The following WLS variants were observed in gnomAD, a reference collection of about 807,000 sequenced individuals.
WLS encodes protein wntless homolog.
Under a neutral mutation model 62.8 loss-of-function variants are expected in WLS, and 23 were observed. The observed-to-expected ratio is 0.37, with a 90% CI of 0.26 to 0.52. WLS has a LOEUF of 0.52. WLS is among the 20% of genes least tolerant of loss of function. WLS has a pLI of 0.92. For missense variants in WLS, 615 were observed against 697.3 expected (o/e 0.88, Z 1.33); for synonymous variants, 246 against 244.1 (o/e 1.01, Z -0.07).
rs373279572 is a variant in WLS, at chr1:68,205,045, C to A, written c.107-10818G>T. On this transcript the variant is annotated intron_variant, in intron 1 of 11. Coordinates refer to ENST00000262348, the MANE Select transcript of WLS (RefSeq NM_024911.7). ...TGTAAGTTATGCTCAATGTAACTAA[C>A]AAAATTTTATCAAATGCCTACTAAG... Among the ~76,000 whole-genome samples the A allele has an allele frequency of 1.2e-3, 178 of 152,286 alleles. 1 individual carries two copies. The highest frequency in any genetic ancestry group is 4.2e-3 in the African/African-American group (174 of 41,558).
chr1:68,230,839 C>A (rs1650378694), intron 1 of WLS, among the ~76,000 whole-genome samples: 1 of 152,174 alleles, frequency 6.6e-6, no homozygotes, highest in South Asian at 2.1e-4. Context: ...ACCAAACTCC[C>A]TTTAATTTGT....
intron 11 of WLS, among the ~76,000 whole-genome samples, chr1:68,118,841 C>T (rs1388003354): frequency 1.7e-5 from 2 of 121,184 alleles, no homozygotes; most frequent in Non-Finnish European, 3.2e-5. Flanking sequence ...CACGCCACTG[C>T]ATTCCAGCCT....
intron 1 of WLS, among the ~76,000 whole-genome samples, chr1:68,224,846 T>C (rs142531117): frequency 2.3e-4 from 35 of 152,238 alleles, no homozygotes; most frequent in African/African-American, 6.7e-4. Context: ...CATCCCTTTG[T>C]TTCCCATAGA....
At chr1:68,204,479 T>C (rs1649192162) in intron 1 of WLS, among the ~76,000 whole-genome samples, 2 of 152,182 alleles carry the variant, frequency 1.3e-5, no homozygotes, top group South Asian at 4.2e-4. Flanking sequence ...GGCTAATTTT[T>C]TGTATTTTTA....
At chr1:68,176,829 A>G (rs1476030250) in intron 2 of WLS, among the ~76,000 whole-genome samples, 1 of 152,244 alleles carries the variant, frequency 6.6e-6, no homozygotes, top group East Asian at 1.9e-4. Flanking sequence ...TTCTCCAGTA[A>G]CAGCCTCACA....
At chr1:68,110,007 TAAAAAAAAA>T (rs11290966) in intron 11 of WLS, among the ~76,000 whole-genome samples, 1 of 28,456 alleles carries the variant, frequency 3.5e-5, no homozygotes, top group Non-Finnish European at 6.3e-5. Context: ...ACACAAAAAG[TAAAAAAAAA>T]AAAAAAAAAA....
intron 11 of WLS, among the ~76,000 whole-genome samples, chr1:68,099,032 T>G (rs918126220): frequency 2.6e-5 from 4 of 152,106 alleles, no homozygotes; most frequent in Admixed American, 6.5e-5. Flanking sequence ...CGAGCAGCAC[T>G]GCCATCCTTG....
chr1:68,216,001 G>A (rs1167158070), intron 1 of WLS, among the ~76,000 whole-genome samples: 1 of 152,140 alleles, frequency 6.6e-6, no homozygotes, highest in East Asian at 1.9e-4. Flanking sequence ...GAATAAATAT[G>A]TAAAGAGAGA....
At chr1:68,222,780 C>T (rs1649992542) in intron 1 of WLS, among the ~76,000 whole-genome samples, 1 of 151,988 alleles carries the variant, frequency 6.6e-6, no homozygotes, top group Admixed American at 6.6e-5. Flanking sequence ...ACAAACACCA[C>T]CAAAGTGTAT....
chr1:68,161,784 C>T, intron 2 of WLS: 1 of 1,601,012 alleles, frequency 6.2e-7, no homozygotes, highest in Non-Finnish European at 8.5e-7. Flanking sequence ...CTCGATTGTC[C>T]CCGTGTTTTG....
At chr1:68,124,039 G>C (rs1646394968), downstream of WLS, among the ~76,000 whole-genome samples, 1 of 152,246 alleles carries the variant, frequency 6.6e-6, no homozygotes. Context: ...CTCTCTCTCT[G>C]TCCGAAACCC....
chr1:68,142,325 CAT>C (rs758679549), intron 10 of WLS, among the ~76,000 whole-genome samples: 1 of 152,172 alleles, frequency 6.6e-6, no homozygotes, highest in Non-Finnish European at 1.5e-5. Flanking sequence ...TTCCTAAAAA[CAT>C]ATCTTGAAAT....
chr1:68,098,646 C>A, exon 12 of WLS: 1 of 1,613,814 alleles, frequency 6.2e-7, no homozygotes, highest in Non-Finnish European at 8.5e-7. Context: ...ATACCAGAAG[C>A]TGCGTTGTCA....
At chr1:68,210,320 A>G (rs1649461672) in intron 1 of WLS, among the ~76,000 whole-genome samples, 1 of 152,180 alleles carries the variant, frequency 6.6e-6, no homozygotes, top group Non-Finnish European at 1.5e-5. Flanking sequence ...GAGAAGAGAA[A>G]GTCAAAGGAG....
At chr1:68,168,081 A>G (rs1647087485) in intron 2 of WLS, among the ~76,000 whole-genome samples, 1 of 152,160 alleles carries the variant, frequency 6.6e-6, no homozygotes, top group Non-Finnish European at 1.5e-5. Flanking sequence ...AGAGGAGGGC[A>G]AGTACCTTCT....
chr1:68,150,387 T>C lies in WLS; in HGVS notation c.804-31A>G, dbSNP rs766739926. ...GGTGAGAAAATATCAGGACAGCCACTTTATTCATCTGGAAGGCAGATTTTC... is the reference window on the plus strand; with the variant it reads ...GGTGAGAAAATATCAGGACAGCCACCTTATTCATCTGGAAGGCAGATTTTC... On this transcript the variant is annotated intron_variant, in intron 5 of 11. Transcript: ENST00000262348. The C allele has an allele frequency of 6.2e-6, 10 of 1,607,494 alleles. No homozygotes were observed. The South Asian group carries it at 1.0e-4, about 16-fold the overall frequency.
At chr1:68,153,874 A>G (rs935811405) in intron 4 of WLS, among the ~76,000 whole-genome samples, 5 of 152,166 alleles carry the variant, frequency 3.3e-5, no homozygotes, top group Admixed American at 3.3e-4. Flanking sequence ...TGGACCTGAG[A>G]CCAGAGAAAT....
chr1:68,166,803 G>T (rs1284064492), intron 2 of WLS, among the ~76,000 whole-genome samples: 1 of 152,124 alleles, frequency 6.6e-6, no homozygotes. Context: ...TACTTCCCGT[G>T]CAATCTGAAG....
At chr1:68,110,733 G>A (rs900569826) in intron 11 of WLS, among the ~76,000 whole-genome samples, 2 of 75,390 alleles carry the variant, frequency 2.7e-5, no homozygotes, top group African/African-American at 8.9e-5. Context: ...ATATATGTTT[G>A]TATATATATG....
Sources: gnomAD v4.1 joint callset for allele counts (sites outside exome capture counted in the v4.1 genomes callset) on GRCh38, gnomAD v4.1.1 for gene constraint, MANE v1.5 for transcripts, NCBI Gene and HGNC (gene_info 2026-07-23, HGNC 2026-07-21) for gene names.